The following SPAG17 variants were observed in gnomAD, a reference collection of about 807,000 sequenced individuals.
The protein encoded by SPAG17 is sperm associated antigen 17, also known as sperm-associated antigen 17.
Under a neutral mutation model 273.6 loss-of-function variants are expected in SPAG17, and 169 were observed. That is an observed-to-expected ratio of 0.62 (90% CI 0.55 to 0.70). The LOEUF (loss-of-function observed/expected upper bound fraction) is 0.70. Ranked by LOEUF, SPAG17 falls within the 30% of genes least tolerant of loss-of-function variation. The probability of loss-of-function intolerance (pLI) is 0.00; values close to 1 mark genes in which losing one functional copy is unlikely to be tolerated. For synonymous variants in SPAG17, 825 were observed against 873.2 expected (o/e 0.94, Z 0.97); for missense variants, 2,557 against 2,627.8 (o/e 0.97, Z 0.59).
At chr1:117,994,605 A>G in intron 34 of SPAG17, 75 bp from the exon 35 acceptor site, 1 of 1,469,580 alleles carries the variant, frequency 6.8e-7, no homozygotes. Context: ...CATTGACTAA[A>G]TTCAACAAGC....
chr1:117,988,431 G>C (rs1044311553), intron 38 of SPAG17, among the ~76,000 whole-genome samples: 5 of 152,176 alleles, frequency 3.3e-5, no homozygotes, highest in African/African-American at 1.2e-4. Flanking sequence ...GTAAAATGCA[G>C]TGATATCTCA....
Position 118,091,483 on chromosome 1 carries a change from C to A in SPAG17, c.1359+123G>T, listed in dbSNP as rs1042933828. ...TTAGTTTCATCTGAACTATTCTAAT[C>A]TTTATAAAGGAGAATGCACTTAGGT... On this transcript the variant is annotated intron_variant, in intron 10 of 48. Transcript: ENST00000336338. 41 of 622,532 alleles carry A rather than the reference C, an allele frequency of 6.6e-5. No individual in the cohort carries two copies. In the African/African-American group the frequency reaches 6.9e-4, roughly 10 times the overall value. The allele number at this position is 622,532 out of a possible 1,614,324, so 38.6% of individuals were successfully genotyped here.
rs79267035 is a variant in SPAG17, at chr1:118,113,718, C to T, written c.447+1592G>A. 6.6e-3 allele frequency among the ~76,000 whole-genome samples: 997 copies of T among 152,186 alleles called. 10 individuals carry two copies. The highest frequency in any genetic ancestry group is 0.023 in the African/African-American group (947 of 41,536). ...CTCTAAGGTTCATGCCCCAGTTACC[C>T]AGGACTCTCAAATTTTCAACAGATA... On this transcript the variant is annotated intron_variant, in intron 4 of 48. Transcript: ENST00000336338.
In SPAG17 at chr1:118,055,881, T is replaced by G; in HGVS notation, c.2574A>C (p.Gln858His). ...TAGCTTCTTCTTTTGTAATCCAATCTTGAATAGATTTTGCAACAAGTTCCA... is the reference window on the plus strand; with the variant it reads ...TAGCTTCTTCTTTTGTAATCCAATCGTGAATAGATTTTGCAACAAGTTCCA... ...NYLELVAKSI[Q>H]DWITKEEAIY... Residue 858 changes from glutamine (Q) to histidine (H), a missense_variant, in exon 19 of 49, where the codon CAA (glutamine) becomes CAC (histidine). Transcript: ENST00000336338. The G allele has an allele frequency of 6.2e-7, 1 of 1,606,674 alleles. No homozygotes were observed.
chr1:117,956,988 TA>T, intron 48 of SPAG17: 1 of 1,267,302 alleles, frequency 7.9e-7, no homozygotes, highest in Non-Finnish European at 1.1e-6. Flanking sequence ...GAAAAAATAA[TA>T]AAGGGAAGGA....
intron 4 of SPAG17, among the ~76,000 whole-genome samples, chr1:118,105,078 G>T (rs1018260410): frequency 1.3e-5 from 2 of 152,146 alleles, no homozygotes; most frequent in Non-Finnish European, 2.9e-5. Flanking sequence ...CTTGATAGAA[G>T]GAGAGGGAAT....
chr1:118,108,796 G>A (rs901808040), intron 4 of SPAG17, among the ~76,000 whole-genome samples: 5 of 151,764 alleles, frequency 3.3e-5, no homozygotes, highest in Non-Finnish European at 5.9e-5. Context: ...TTTCTTAACC[G>A]GTTAAGTTAC....
chr1:117,957,301 A>G, intron 48 of SPAG17: 1 of 1,376,794 alleles, frequency 7.3e-7, no homozygotes, highest in South Asian at 1.6e-5. Context: ...AGTATGCCGA[A>G]CTCGGTGGCT....
Position 118,066,690 on chromosome 1 carries a change from TG to T in SPAG17, c.2540+54del. 2.7e-6 allele frequency: 4 copies of T among 1,489,076 alleles called. No homozygotes were observed. The South Asian group carries it at 5.0e-5, about 18-fold the overall frequency. The allele number at this position is 1,489,076 out of a possible 1,614,324, so 92.2% of individuals were successfully genotyped here. A position where few individuals can be genotyped will look rare whatever the true frequency, so the allele number is the denominator to read the frequency against. On this transcript the variant is annotated intron_variant, in intron 18 of 48. Coordinates refer to ENST00000336338, the MANE Select transcript of SPAG17 (RefSeq NM_206996.4). ...ACTAACACCTAAGTAACTAAGTAAC[TG>T]GCAAGCTAACTAAACCCAACTAACT...
At chr1:117,999,355 T>A (rs1462826796) in intron 32 of SPAG17, among the ~76,000 whole-genome samples, 1 of 152,220 alleles carries the variant, frequency 6.6e-6, no homozygotes, top group East Asian at 1.9e-4. Context: ...AGTAATGGGA[T>A]TGCTGGGTCA....
At chr1:118,110,518 GAATA>G (rs1327168821) in intron 4 of SPAG17, among the ~76,000 whole-genome samples, 5 of 152,106 alleles carry the variant, frequency 3.3e-5, no homozygotes, top group African/African-American at 9.7e-5. Flanking sequence ...AGGACATTAG[GAATA>G]ATCTCTGGAT....
At chr1:118,068,889 G>T (rs1194750303) in intron 17 of SPAG17, among the ~76,000 whole-genome samples, 1 of 152,138 alleles carries the variant, frequency 6.6e-6, no homozygotes, top group East Asian at 1.9e-4. Flanking sequence ...GAATAGTTGG[G>T]ACTACAGACC....
intron 3 of SPAG17, among the ~76,000 whole-genome samples, chr1:118,115,954 G>T (rs1035199791): frequency 6.6e-6 from 1 of 152,152 alleles, no homozygotes; most frequent in East Asian, 1.9e-4. Flanking sequence ...ACACAAAGGC[G>T]CCATATGAAT....
intron 4 of SPAG17, among the ~76,000 whole-genome samples, chr1:118,102,431 T>C (rs1475063437): frequency 6.6e-6 from 1 of 152,244 alleles, no homozygotes; most frequent in African/African-American, 2.4e-5. Flanking sequence ...GTACAAGTAA[T>C]GTATTGACCA....
In SPAG17 at chr1:118,126,203, CTTTTTTTTTT is replaced by C. The variant is rs776674134; in HGVS notation, c.316-10772_316-10763del. Among the ~76,000 whole-genome samples the C allele has an allele frequency of 1.4e-3, 151 of 110,568 alleles. 1 individual carries two copies. Among genetic ancestry groups the C allele is most frequent in the African/African-American group, 4.7e-3 (142 of 30,246 alleles). The allele number at this position is 110,568 out of a possible 152,430, so 72.5% of individuals were successfully genotyped here. On this transcript the variant is annotated intron_variant, in intron 3 of 48. Transcript: ENST00000336338. ...GAAATGTCTACTCAGATCCTTTATC[CTTTTTTTTTT>C]TTTTTTTTTTGAGACAGAGTCTCGC...
chr1:118,126,403 C>T (rs557449988), intron 3 of SPAG17, among the ~76,000 whole-genome samples: 180 of 151,176 alleles, frequency 1.2e-3, no homozygotes, highest in African/African-American at 4.1e-3. Flanking sequence ...TTAGTAGAGA[C>T]GGGGTTTCAC....
Position 117,953,844 on chromosome 1 carries a change from C to T in SPAG17, c.*206G>A. 3.1e-6 allele frequency: 2 copies of T among 647,692 alleles called. No individual in the cohort carries two copies. Among genetic ancestry groups the T allele is most frequent in the Non-Finnish European group, 2.6e-6 (1 of 383,608 alleles). 40.1% of individuals were successfully genotyped at this position (647,692 alleles called of 1,614,324 possible). ...CCCTGTACATTAAAAAATAAGAAAA[C>T]CAAAAATGTCTTTAAATGCTTTTTG... On this transcript the variant is annotated 3_prime_UTR_variant, in exon 49 of 49. Coordinates refer to ENST00000336338, the MANE Select transcript of SPAG17 (RefSeq NM_206996.4).
chr1:118,150,109 CCT>C (rs1444291113), intron 3 of SPAG17, among the ~76,000 whole-genome samples: 1 of 152,102 alleles, frequency 6.6e-6, no homozygotes, highest in Admixed American at 6.6e-5. Flanking sequence ...TGCAGCTGTA[CCT>C]CTGTCTTATA....
At chr1:117,959,064 G>A in intron 48 of SPAG17, 1 of 1,519,474 alleles carries the variant, frequency 6.6e-7, no homozygotes. Flanking sequence ...TTTAGAAATA[G>A]TATAGTATGC....
Sources: gnomAD v4.1 joint callset for allele counts (sites outside exome capture counted in the v4.1 genomes callset) on GRCh38, gnomAD v4.1.1 for gene constraint, MANE v1.5 for transcripts, NCBI Gene and HGNC (gene_info 2026-07-23, HGNC 2026-07-21) for gene names.